DNAAF9: variants seen among roughly 807,000 people sequenced by gnomAD.
DNAAF9 encodes the protein shulin.
Under a neutral mutation model 167.0 loss-of-function variants are expected in DNAAF9, and 90 were observed. The observed-to-expected ratio is 0.54, with a 90% confidence interval of 0.45 to 0.64. The LOEUF (loss-of-function observed/expected upper bound fraction) is 0.64, where lower values mean the gene tolerates loss of function less well. DNAAF9 is among the 30% of genes least tolerant of loss of function. DNAAF9 has a pLI of 0.00. For missense variants in DNAAF9, 1,315 were observed against 1,442.2 expected, an observed-to-expected ratio of 0.91 and a Z score of 1.43; for synonymous variants, 491 against 508.8, an observed-to-expected ratio of 0.96 and a Z score of 0.47.
intron 20 of DNAAF9, chr20:3,306,736 A>G (rs886512486): frequency 1.7e-5 from 3 of 177,262 alleles, no homozygotes; most frequent in Non-Finnish European, 3.3e-5. Context: ...CTGCTCCCTC[A>G]ACCACAACAG....
intron 20 of DNAAF9, among the ~76,000 whole-genome samples, chr20:3,310,670 G>A (rs2069398912): frequency 6.7e-6 from 1 of 149,804 alleles, no homozygotes; most frequent in African/African-American, 2.5e-5. Context: ...GGACAACAGA[G>A]TGAGACTTAG....
intron 23 of DNAAF9, among the ~76,000 whole-genome samples, 198 bp from the exon 24 acceptor site, chr20:3,294,827 C>T (rs991856033): frequency 1.3e-5 from 2 of 151,862 alleles, no homozygotes; most frequent in Admixed American, 1.3e-4. Context: ...GCCTGAAATC[C>T]CTTGATAATA....
At chr20:3,272,875 T>A (rs1291664834) in intron 29 of DNAAF9, among the ~76,000 whole-genome samples, 1 of 152,090 alleles carries the variant, frequency 6.6e-6, no homozygotes, top group East Asian at 1.9e-4. Flanking sequence ...CTGGCTGGAG[T>A]GCAATGGTGC....
chr20:3,361,425 G>A (rs2083362831), intron 6 of DNAAF9, among the ~76,000 whole-genome samples: 1 of 152,170 alleles, frequency 6.6e-6, no homozygotes, highest in African/African-American at 2.4e-5. Flanking sequence ...GCTGCGACCT[G>A]AAGCCTTCAC....
At chr20:3,358,260 G>C (rs1600851433) in intron 7 of DNAAF9, among the ~76,000 whole-genome samples, 1 of 151,732 alleles carries the variant, frequency 6.6e-6, no homozygotes, top group Non-Finnish European at 1.5e-5. Flanking sequence ...ACCATTGTGG[G>C]ACAATTTTCT....
intron 3 of DNAAF9, among the ~76,000 whole-genome samples, chr20:3,377,661 T>A (rs2123232658): frequency 6.6e-6 from 1 of 152,130 alleles, no homozygotes; most frequent in South Asian, 2.1e-4. Flanking sequence ...GGTTTTGCCA[T>A]GTTGCCCAGG....
chr20:3,366,791 G>A (rs1392994716), intron 6 of DNAAF9, among the ~76,000 whole-genome samples: 21 of 151,898 alleles, frequency 1.4e-4, no homozygotes, highest in Admixed American at 1.4e-3. Flanking sequence ...TGGGCATGGT[G>A]GTGTACCCCT....
At chr20:3,322,576 C>G in intron 15 of DNAAF9, 76 bp downstream of exon 15, 2 of 1,145,708 alleles carry the variant, frequency 1.7e-6, no homozygotes, top group East Asian at 4.7e-5. Context: ...GAAAACCACT[C>G]ATGTCAGCAG....
At chr20:3,257,121 CAAG>C (rs1011165644) in intron 33 of DNAAF9, among the ~76,000 whole-genome samples, 3 of 152,002 alleles carry the variant, frequency 2.0e-5, no homozygotes, top group African/African-American at 4.8e-5. Context: ...ACTGGAGACC[CAAG>C]AAGTGGGCAA....
intron 7 of DNAAF9, among the ~76,000 whole-genome samples, chr20:3,354,352 A>G (rs933661272): frequency 2.6e-5 from 4 of 152,356 alleles, no homozygotes; most frequent in Non-Finnish European, 5.9e-5. Flanking sequence ...CCAAATCCAG[A>G]AGAAAGATGC....
chr20:3,381,009 A>G (rs75839379), intron 3 of DNAAF9, among the ~76,000 whole-genome samples: 7,194 of 152,308 alleles, frequency 0.047, 265 homozygotes, highest in African/African-American at 0.1. Context: ...AGCTGCCTGC[A>G]GGCCCATCCT....
chr20:3,351,463 A>G (rs373650142), intron 7 of DNAAF9, among the ~76,000 whole-genome samples: 1 of 152,018 alleles, frequency 6.6e-6, no homozygotes, highest in Non-Finnish European at 1.5e-5. Flanking sequence ...CAGCCTGGAC[A>G]ACAAGAGTGA....
chr20:3,269,902 G>A (rs1440922225), intron 30 of DNAAF9, among the ~76,000 whole-genome samples: 1 of 151,184 alleles, frequency 6.6e-6, no homozygotes, highest in African/African-American at 2.4e-5. Context: ...AGCTTGCAGT[G>A]AGCCGAGATC....
rs2068169325 is a variant in DNAAF9 at position 3,249,579 on chromosome 20, A to G, written c.*2993T>C. Reference sequence around the variant, plus strand: ...TTAAAGCACTGAAAAACTAGTATAAAAGTGAATTTTGGCACGTAAGTGAGC... The same window carrying G: ...TTAAAGCACTGAAAAACTAGTATAAGAGTGAATTTTGGCACGTAAGTGAGC... On this transcript the variant is annotated 3_prime_UTR_variant, in exon 37 of 37. Transcript: ENST00000252032. 6.6e-6 allele frequency: 1 copy of G among 152,204 alleles called. No individual in the cohort carries two copies. The highest frequency in any genetic ancestry group is 2.1e-4 in the South Asian group (1 of 4,834). The allele number at this position is 152,204 out of a possible 1,614,324, so 9.4% of individuals were successfully genotyped here. A position where few individuals can be genotyped will look rare whatever the true frequency, so the allele number is the denominator to read the frequency against.
At chr20:3,289,298 G>A (rs1011136667) in intron 26 of DNAAF9, among the ~76,000 whole-genome samples, 3 of 150,584 alleles carry the variant, frequency 2.0e-5, no homozygotes, top group African/African-American at 7.3e-5. Context: ...TAAAAAATTA[G>A]TTAGGTGTGA....
intron 32 of DNAAF9, 135 bp downstream of exon 32, chr20:3,259,787 A>G: frequency 1.5e-6 from 1 of 680,596 alleles, no homozygotes; most frequent in South Asian, 1.8e-5. Flanking sequence ...ACAATCCTCA[A>G]ATCCCTCTGT....
chr20:3,374,625 C>T (rs77285286), intron 5 of DNAAF9, among the ~76,000 whole-genome samples: 1,636 of 152,318 alleles, frequency 0.011, 32 homozygotes, highest in African/African-American at 0.037. Context: ...AATACAAGCA[C>T]TGCTAAACTT....
chr20:3,320,942 T>C (rs2069604278), intron 16 of DNAAF9, among the ~76,000 whole-genome samples: 1 of 152,210 alleles, frequency 6.6e-6, no homozygotes, highest in South Asian at 2.1e-4. Context: ...GCTAGATATG[T>C]ACTACCCTCT....
At chr20:3,299,833 T>C (rs951060266) in intron 21 of DNAAF9, among the ~76,000 whole-genome samples, 1 of 152,194 alleles carries the variant, frequency 6.6e-6, no homozygotes, top group Non-Finnish European at 1.5e-5. Context: ...TTATTTTCTT[T>C]TGCAAGATTG....
Sources: gnomAD v4.1 joint callset for allele counts (sites outside exome capture counted in the v4.1 genomes callset) on GRCh38, gnomAD v4.1.1 for gene constraint, MANE v1.5 for transcripts, NCBI Gene and HGNC (gene_info 2026-07-23, HGNC 2026-07-21) for gene names.